FAT3: variants seen among roughly 807,000 people sequenced by gnomAD.
FAT3 encodes protocadherin Fat 3.
Under a neutral mutation model 310.2 loss-of-function variants are expected in FAT3, and 95 were observed. That is an observed-to-expected ratio of 0.31 (90% CI 0.26 to 0.36). The LOEUF is 0.36. Ranked by LOEUF, FAT3 falls within the 10% of genes least tolerant of loss-of-function variation. The pLI, the probability that FAT3 is intolerant of heterozygous loss-of-function variation, is 1.00. For missense variants in FAT3, 5,408 were observed against 5,715.6 expected (o/e 0.95, Z 1.74); for synonymous variants, 2,314 against 2,192.9 (o/e 1.06, Z -1.54).
intron 7 of FAT3, among the ~76,000 whole-genome samples, chr11:92,775,913 C>G (rs1425076510): frequency 6.6e-6 from 1 of 152,112 alleles, no homozygotes; most frequent in African/African-American, 2.4e-5. Context: ...AATATAGACA[C>G]ATGGAAAGAA....
chr11:92,338,318 C>G (rs1948146347), intron 1 of FAT3, among the ~76,000 whole-genome samples: 1 of 152,072 alleles, frequency 6.6e-6, no homozygotes. Context: ...TATCTACTTA[C>G]CTACATGGAA....
chr11:92,447,041 A>C (rs1266629503), intron 2 of FAT3, among the ~76,000 whole-genome samples: 2 of 152,172 alleles, frequency 1.3e-5, no homozygotes, highest in East Asian at 3.9e-4. Context: ...CTAAATCTGC[A>C]GGAGTTCACA....
rs1056436495 is a variant in FAT3, at chr11:92,895,897, G to T, written c.*4784G>T. On this transcript the variant is annotated 3_prime_UTR_variant, in exon 28 of 28. Transcript: ENST00000525166. ...TAATTGTAAGTCATCCACGCTGTTG[G>T]TCTGCAAACTTTTGAGGTAACTACA... is the stretch of plus-strand genomic sequence containing the variant. 3 of 149,602 alleles carry T rather than the reference G, an allele frequency of 2.0e-5. No homozygotes were observed. Among genetic ancestry groups the T allele is most frequent in the South Asian group, 2.1e-4 (1 of 4,682 alleles). The allele number at this position is 149,602 out of a possible 1,614,324, so 9.3% of individuals were successfully genotyped here. A position where few individuals can be genotyped will look rare whatever the true frequency, so the allele number is the denominator to read the frequency against.
intron 21 of FAT3, among the ~76,000 whole-genome samples, chr11:92,864,716 C>A (rs1949196437): frequency 6.6e-6 from 1 of 152,056 alleles, no homozygotes; most frequent in African/African-American, 2.4e-5. Context: ...ACTCGGGAGG[C>A]TGAGGCAGGA....
At chr11:92,368,628 G>T (rs1949086905) in intron 2 of FAT3, among the ~76,000 whole-genome samples, 1 of 151,916 alleles carries the variant, frequency 6.6e-6, no homozygotes, top group Non-Finnish European at 1.5e-5. Flanking sequence ...GTAGCTTCTG[G>T]CTCTGTTCAT....
intron 3 of FAT3, among the ~76,000 whole-genome samples, chr11:92,555,373 G>A (rs1370309271): frequency 2.0e-5 from 3 of 152,194 alleles, no homozygotes; most frequent in Non-Finnish European, 4.4e-5. Context: ...AACTTAAACT[G>A]TGTGCCTTAA....
At chr11:92,579,258 C>A (rs767833349) in intron 3 of FAT3, among the ~76,000 whole-genome samples, 3 of 151,640 alleles carry the variant, frequency 2.0e-5, no homozygotes, top group Admixed American at 2.0e-4. Context: ...GTTGAAGGGA[C>A]AAAATAAAGT....
At position 92,800,531 on chromosome 11, in the gene FAT3, A is replaced by G; in HGVS notation, c.7518A>G (p.Arg2506=). 6.2e-7 allele frequency: 1 copy of G among 1,613,904 alleles called. No individual in the cohort carries two copies. Among genetic ancestry groups the G allele is most frequent in the Non-Finnish European group, 8.5e-7 (1 of 1,179,864 alleles). ...FSQSTYVAEV[R]ENVAAGTKVI... Reference sequence around the variant, plus strand: ...AAAGCACATACGTAGCTGAGGTGAGAGAGAACGTGGCTGCAGGAACAAAGG... The same window carrying G: ...AAAGCACATACGTAGCTGAGGTGAGGGAGAACGTGGCTGCAGGAACAAAGG... Residue 2506 remains arginine (R), a synonymous_variant, in exon 10 of 28, where the codon AGA becomes AGG. Transcript: ENST00000525166.
At position 92,895,878 on chromosome 11, in the gene FAT3, T is replaced by C. The variant is rs1215815082; in HGVS notation, c.*4765T>C. ...TAATTTGGGGGGTCGAATATAATTGTAAGTCATCCACGCTGTTGGTCTGCA... is the reference window on the plus strand; with the variant it reads ...TAATTTGGGGGGTCGAATATAATTGCAAGTCATCCACGCTGTTGGTCTGCA... On this transcript the variant is annotated 3_prime_UTR_variant, in exon 28 of 28. Transcript: ENST00000525166. The C allele has an allele frequency of 2.0e-5, 3 of 152,090 alleles. No individual in the cohort carries two copies. The highest frequency in any genetic ancestry group is 4.4e-5 in the Non-Finnish European group (3 of 68,014). 9.4% of individuals were successfully genotyped at this position (152,090 alleles called of 1,614,324 possible). A position where few individuals can be genotyped will look rare whatever the true frequency, so the allele number is the denominator to read the frequency against.
At chr11:92,436,163 G>C (rs1314261538) in intron 2 of FAT3, among the ~76,000 whole-genome samples, 1 of 151,884 alleles carries the variant, frequency 6.6e-6, no homozygotes, top group Non-Finnish European at 1.5e-5. Context: ...CTCTCACCCA[G>C]GCTGGAGCGT....
intron 3 of FAT3, among the ~76,000 whole-genome samples, chr11:92,546,716 G>C (rs3996489): frequency 0.15 from 22,853 of 152,100 alleles, 1,902 homozygotes; most frequent in East Asian, 0.29. Flanking sequence ...ATTTTTCAAT[G>C]AGGCTCTTTT....
intron 2 of FAT3, among the ~76,000 whole-genome samples, chr11:92,402,220 A>G (rs986891287): frequency 2.0e-5 from 3 of 152,358 alleles, no homozygotes; most frequent in East Asian, 3.9e-4. Context: ...CAACAAGTTC[A>G]TAGGTAGATA....
intron 8 of FAT3, among the ~76,000 whole-genome samples, chr11:92,791,221 T>C (rs191893440): frequency 6.6e-6 from 1 of 152,260 alleles, no homozygotes; most frequent in East Asian, 1.9e-4. Context: ...ATTTAACAAA[T>C]ATTTCTCAAC....
chr11:92,792,477 G>A (rs1024580263), intron 8 of FAT3, among the ~76,000 whole-genome samples: 5 of 152,140 alleles, frequency 3.3e-5, no homozygotes, highest in African/African-American at 1.2e-4. Flanking sequence ...CCAGAGCACA[G>A]TGCTGTGTTT....
At chr11:92,295,497 T>A (rs1269645002) in intron 1 of FAT3, among the ~76,000 whole-genome samples, 2 of 152,080 alleles carry the variant, frequency 1.3e-5, no homozygotes, top group Admixed American at 6.6e-5. Flanking sequence ...GGATGCAGGG[T>A]CAAAAATGCA....
chr11:92,721,424 T>A (rs774340640), intron 4 of FAT3, among the ~76,000 whole-genome samples: 2 of 152,208 alleles, frequency 1.3e-5, no homozygotes, highest in Non-Finnish European at 2.9e-5. Context: ...ATAAATTGTA[T>A]CTCAGTAAAG....
chr11:92,264,969 G>T (rs1945892822), intron 1 of FAT3, among the ~76,000 whole-genome samples: 1 of 151,822 alleles, frequency 6.6e-6, no homozygotes. Flanking sequence ...AGATCATAAG[G>T]ACTGAATTCT....
chr11:92,318,667 ATAAGAG>A (rs1369480344), intron 1 of FAT3, among the ~76,000 whole-genome samples: 1 of 152,250 alleles, frequency 6.6e-6, no homozygotes, highest in Non-Finnish European at 1.5e-5. Flanking sequence ...TGAAATACCC[ATAAGAG>A]TAAAAGCATT....
rs190892406 is a variant in FAT3, at chr11:92,382,975, G to T, written c.3292+27571G>T. Among the ~76,000 whole-genome samples the T allele has an allele frequency of 2.0e-5, 3 of 152,066 alleles. No homozygotes were observed. In the South Asian group the frequency reaches 6.2e-4, roughly 32 times the overall value. The stretch of plus-strand genomic sequence containing the variant: ...TCAGCATCCATTCGCTATTCTTCCC[G>T]ATGCTCTCCCTACCCCCAGCCCCTG... On this transcript the variant is annotated intron_variant, in intron 2 of 27. Coordinates refer to ENST00000525166, the MANE Select transcript of FAT3 (RefSeq NM_001367949.2).
Sources: gnomAD v4.1 joint callset for allele counts (sites outside exome capture counted in the v4.1 genomes callset) on GRCh38, gnomAD v4.1.1 for gene constraint, MANE v1.5 for transcripts, NCBI Gene and HGNC (gene_info 2026-07-23, HGNC 2026-07-21) for gene names.